Variants in COL6A2 observed in about 807,000 individuals in gnomAD.
COL6A2 encodes collagen alpha-2(VI) chain.
A neutral mutation model predicts 124.9 loss-of-function variants in COL6A2; 90 were observed. That is an observed-to-expected ratio of 0.72 (90% confidence interval 0.61 to 0.86). The LOEUF is 0.86. Among genes scored for constraint, COL6A2 ranks in the 40% least tolerant of loss-of-function variants. The probability of loss-of-function intolerance (pLI) is 0.00; values close to 1 mark genes in which losing one functional copy is unlikely to be tolerated. For synonymous variants in COL6A2, 793 were observed against 618.2 expected, an observed-to-expected ratio of 1.28 and a Z score of -4.19; for missense variants, 1,607 against 1,502.5, an observed-to-expected ratio of 1.07 and a Z score of -1.15.
At chr21:46,131,223 G>A (rs140193825) in intron 27 of COL6A2, among the ~76,000 whole-genome samples, 53 of 152,338 alleles carry the variant, frequency 3.5e-4, no homozygotes, top group Admixed American at 9.1e-4. Flanking sequence ...CTGTCCTGTG[G>A]TCTCTGGCCC....
At chr21:46,110,649 A>T (rs558398128) in intron 1 of COL6A2, among the ~76,000 whole-genome samples, 1 of 152,062 alleles carries the variant, frequency 6.6e-6, no homozygotes, top group East Asian at 1.9e-4. Flanking sequence ...CACTCCTCCC[A>T]TCTGCACCGA....
chr21:46,128,256 G>T (rs1053866002), intron 27 of COL6A2, among the ~76,000 whole-genome samples: 1 of 152,208 alleles, frequency 6.6e-6, no homozygotes, highest in African/African-American at 2.4e-5. Context: ...ACCTGACAGT[G>T]AGTGGGAGCA....
intron 20 of COL6A2, 49 bp from the exon 21 acceptor site, chr21:46,122,826 G>C: frequency 6.5e-7 from 1 of 1,547,034 alleles, no homozygotes. Context: ...TGGTGTCCCT[G>C]GTAGAGACAG....
At position 46,121,105 on chromosome 21, in the gene COL6A2, T is replaced by C. The variant is rs774677437; in HGVS notation, c.1440T>C (p.Leu480=). 3.7e-6 allele frequency: 6 copies of C among 1,612,602 alleles called. No individual in the cohort carries two copies. In the South Asian group the frequency reaches 6.6e-5, roughly 18 times the overall value. ...GACCCAGAGGCCCCCAGGGAGCTCT[T>C]GGGGAGCCCGGAAAGCAGGTCAGTG... is the stretch of plus-strand genomic sequence containing the variant. ...LPGPRGPQGA[L]GEPGKQGSRG... The change falls in exon 17 of 28, where the codon CTT becomes CTC. Residue 480 remains leucine, a synonymous_variant. Coordinates refer to ENST00000300527, the MANE Select transcript of COL6A2 (RefSeq NM_001849.4).
chr21:46,127,027 T>G (rs961324510), intron 27 of COL6A2, among the ~76,000 whole-genome samples: 24 of 151,862 alleles, frequency 1.6e-4, no homozygotes, highest in African/African-American at 5.6e-4. Context: ...TCTCTGGGAG[T>G]GGGGGAGCCC....
intron 1 of COL6A2, among the ~76,000 whole-genome samples, chr21:46,103,355 T>C (rs532915999): frequency 6.6e-6 from 1 of 152,176 alleles, no homozygotes; most frequent in Non-Finnish European, 1.5e-5. Context: ...AATTCTGTTA[T>C]CTTTTCAAAG....
In COL6A2 at chr21:46,116,664, CCGA is replaced by C; in HGVS notation, c.944_946del (p.Asp315del). 6.2e-7 allele frequency: 1 copy of C among 1,613,038 alleles called. No homozygotes were observed. The highest frequency in any genetic ancestry group is 8.5e-7 in the Non-Finnish European group (1 of 1,180,014). On this transcript the variant is annotated inframe_deletion, in exon 9 of 28. Coordinates refer to ENST00000300527, the MANE Select transcript of COL6A2 (RefSeq NM_001849.4). This position sits in a 1 kb window ranked among gnomAD's most constrained non-coding sequence, Gnocchi z 4.6. ...CCTCCTACACAGGGTGAATTTGGAG[CCGA>C]CGGTCGCAAGGTAGGCTGGCTGGGT...
At chr21:46,104,518 G>T (rs8126644) in intron 1 of COL6A2, among the ~76,000 whole-genome samples, 2,399 of 152,286 alleles carry the variant, frequency 0.016, 53 homozygotes, top group African/African-American at 0.055. Context: ...GAATAAAGGT[G>T]ATCAGAGCCT....
intron 5 of COL6A2, among the ~76,000 whole-genome samples, chr21:46,114,679 C>T (rs1333526700): frequency 6.6e-6 from 1 of 152,170 alleles, no homozygotes; most frequent in Non-Finnish European, 1.5e-5. Context: ...GAAGGAACCT[C>T]TTTTGTGGCT....
rs2123454401 is a variant in COL6A2 at position 46,131,968 on chromosome 21, C to T, written c.2476C>T (p.Gln826Ter). The T allele has an allele frequency of 6.2e-7, 1 of 1,605,816 alleles. No individual in the cohort carries two copies. Residue 826 changes from glutamine (Q) to a stop codon, truncating the protein, a stop_gained, in exon 28 of 28, where the codon CAG (glutamine) becomes TAG (stop). Transcript: ENST00000300527. LOFTEE classifies it high-confidence loss of function. ...TCTCCCCACAGAGCTGTCCGTGGCACAGTGCACGCAGCGGCCCGTGGACAT... is the reference window on the plus strand; with the variant it reads ...TCTCCCCACAGAGCTGTCCGTGGCATAGTGCACGCAGCGGCCCGTGGACAT... ...LPCQTELSVA[Q>*]CTQRPVDIVF...
intron 1 of COL6A2, among the ~76,000 whole-genome samples, chr21:46,102,970 G>C (rs2078303106): frequency 6.6e-6 from 1 of 152,116 alleles, no homozygotes; most frequent in Non-Finnish European, 1.5e-5. Flanking sequence ...TTCTCTTCAA[G>C]TTTTTTGAAA....
intron 4 of COL6A2, chr21:46,113,040 A>G (rs2078426700): frequency 1.6e-6 from 1 of 630,532 alleles, no homozygotes; most frequent in Non-Finnish European, 2.8e-6. Context: ...CGTTAGGGTC[A>G]CCCACAGAGC....
rs372414400 is a variant in COL6A2 at position 46,122,161 on chromosome 21, G to A, written c.1572+3G>A. The A allele has an allele frequency of 6.7e-4, 1,080 of 1,612,546 alleles. 16 individuals are homozygous for A. In the South Asian group the frequency reaches 0.011, roughly 17 times the overall value. On this transcript the variant is annotated splice_donor_region_variant and intron_variant, in intron 19 of 27. Transcript: ENST00000300527. ...ACCCAGGACCCCGAGGAGCACCCGT[G>A]AGTCACAGCCTGGGATGGCAGCTCC...
chr21:46,129,574 T>C, intron 27 of COL6A2: 1 of 1,456,746 alleles, frequency 6.9e-7, no homozygotes. Context: ...TGGCTCTCAG[T>C]GGAGGCCAGA....
chr21:46,118,580 A>G, intron 12 of COL6A2, 34 bp from the exon 13 acceptor site: 1 of 1,610,552 alleles, frequency 6.2e-7, no homozygotes, highest in East Asian at 2.2e-5. Flanking sequence ...TCCCCTGCCA[A>G]AAGACGTGAG....
chr21:46,102,790 C>A (rs769861869), intron 1 of COL6A2, among the ~76,000 whole-genome samples: 13 of 151,564 alleles, frequency 8.6e-5, no homozygotes, highest in Admixed American at 5.3e-4. Flanking sequence ...CATTTAATTG[C>A]ATCAAATTAT....
At position 46,116,177 on chromosome 21, in the gene COL6A2, G is replaced by A; in HGVS notation, c.900+124G>A. 1 of 1,196,072 alleles carries A rather than the reference G, an allele frequency of 8.4e-7. No homozygotes were observed. The allele number at this position is 1,196,072 out of a possible 1,614,324, so 74.1% of individuals were successfully genotyped here. On this transcript the variant is annotated intron_variant, in intron 7 of 27. Transcript: ENST00000300527. This position sits in a 1 kb window ranked among gnomAD's most constrained non-coding sequence, Gnocchi z 4.6. ...TCCCCCCAGTTACCAAGGAACAGAA[G>A]CACCTCGATAACTTGATGGCCGTCC...
chr21:46,122,686 C>G (rs2078585555), intron 20 of COL6A2, among the ~76,000 whole-genome samples, 155 bp downstream of exon 20: 1 of 152,078 alleles, frequency 6.6e-6, no homozygotes, highest in Non-Finnish European at 1.5e-5. Flanking sequence ...ATGCTGAGCT[C>G]TGGGGGAGCT....
chr21:46,126,468 C>T lies in COL6A2; in HGVS notation c.2423-35C>T, dbSNP rs16978878. 2.5e-6 allele frequency: 4 copies of T among 1,611,464 alleles called. No homozygotes were observed. The South Asian group carries it at 3.3e-5, about 13-fold the overall frequency. Reference sequence around the variant, plus strand: ...CCGCTGAGGGTTCGCTAGGGACTGACCCTGGCCTGGCCCGGCCTCTCTCCT... The same window carrying T: ...CCGCTGAGGGTTCGCTAGGGACTGATCCTGGCCTGGCCCGGCCTCTCTCCT... On this transcript the variant is annotated intron_variant, in intron 26 of 27. Coordinates refer to ENST00000300527, the MANE Select transcript of COL6A2 (RefSeq NM_001849.4).
Sources: gnomAD v4.1 joint callset for allele counts (sites outside exome capture counted in the v4.1 genomes callset) on GRCh38, gnomAD v4.1.1 for gene constraint, Gnocchi (gnomAD v3.1) non-coding constraint, MANE v1.5 for transcripts, NCBI Gene and HGNC (gene_info 2026-07-23, HGNC 2026-07-21) for gene names.